AOX1: variants seen among roughly 807,000 people sequenced by gnomAD.
The protein encoded by AOX1 is aldehyde oxidase.
AOX1 carries 153 observed loss-of-function variants against 169.5 expected under a neutral mutation model. That is an observed-to-expected ratio of 0.90 (90% CI 0.79 to 1.03). The LOEUF is 1.03. AOX1 is among the 50% of genes least tolerant of loss of function. AOX1 has a pLI of 0.00. For synonymous variants in AOX1, 562 were observed against 581.9 expected (o/e 0.97, Z 0.49); for missense variants, 1,656 against 1,663.9 (o/e 1.00, Z 0.08).
intron 20 of AOX1, 92 bp downstream of exon 20, chr2:200,627,541 C>T: frequency 2.3e-6 from 2 of 887,984 alleles, no homozygotes; most frequent in Non-Finnish European, 3.6e-6. Flanking sequence ...ATCGGGCAGC[C>T]TAGGGGGGTG....
rs772133818 is a variant in AOX1, at chr2:200,609,397, T to G, written c.1136T>G (p.Leu379Arg). 4.3e-6 allele frequency: 7 copies of G among 1,613,768 alleles called. No individual in the cohort carries two copies. The change falls in exon 12 of 35, where the codon CTC (leucine) becomes CGC (arginine). Residue 379 changes from leucine (L) to arginine (R), a missense_variant. By Grantham distance (102) the Leu-to-Arg change is moderately radical. Transcript: ENST00000374700. ...ATCCTGGCTGTGGGTAACTGTACCC[T>G]CAACTTGCTATCAAAAGGTAAGTGA... ...NPILAVGNCT[L>R]NLLSKEGKRQ...
chr2:200,657,346 C>G (rs1228033186), intron 27 of AOX1, among the ~76,000 whole-genome samples: 3 of 150,586 alleles, frequency 2.0e-5, no homozygotes, highest in African/African-American at 7.3e-5. Flanking sequence ...CAGAGCAAGA[C>G]CCTGTCTCAA....
At chr2:200,677,687 TTGTC>T (rs1301703216), downstream of AOX1, among the ~76,000 whole-genome samples, 1 of 152,208 alleles carries the variant, frequency 6.6e-6, no homozygotes, top group African/African-American at 2.4e-5. Context: ...GGCCAAACAA[TTGTC>T]TGGGCCCACT....
intron 15 of AOX1, among the ~76,000 whole-genome samples, chr2:200,615,604 A>G (rs1047015299): frequency 6.6e-6 from 1 of 152,214 alleles, no homozygotes; most frequent in East Asian, 1.9e-4. Flanking sequence ...TCCTGGCTTA[A>G]GTATTTTCTT....
chr2:200,605,629 G>T lies in AOX1; in HGVS notation c.907+1G>T. On this transcript the variant is annotated splice_donor_variant, in intron 10 of 34. Transcript: ENST00000374700. LOFTEE classifies it high-confidence loss of function. Reference sequence around the variant, plus strand: ...AGTGTTGTAAACCATGCATATAATGGTGAGTTCTCAAGTCCCTGTTTTCTT... The same window carrying T: ...AGTGTTGTAAACCATGCATATAATGTTGAGTTCTCAAGTCCCTGTTTTCTT... The T allele has an allele frequency of 6.8e-7, 1 of 1,473,860 alleles. No individual in the cohort carries two copies. Among genetic ancestry groups the T allele is most frequent in the South Asian group, 1.4e-5 (1 of 70,966 alleles). The allele number at this position is 1,473,860 out of a possible 1,614,324, so 91.3% of individuals were successfully genotyped here.
chr2:200,622,055 A>G (rs1334687643), intron 18 of AOX1, among the ~76,000 whole-genome samples: 2 of 152,192 alleles, frequency 1.3e-5, no homozygotes, highest in African/African-American at 4.8e-5. Flanking sequence ...CCCGGCTTAA[A>G]TGGGATTTTT....
rs5837752 is a variant in AOX1, at chr2:200,657,190, A to ATTTT, written c.3171+265_3171+268dup. On this transcript the variant is annotated intron_variant, in intron 27 of 34. Coordinates refer to ENST00000374700, the MANE Select transcript of AOX1 (RefSeq NM_001159.4). Reference sequence around the variant, plus strand: ...AATATATATATATATATATATATATATTTTTTTTTTTTTTTAATTAGCAGG... The same window carrying ATTTT: ...AATATATATATATATATATATATATATTTTTTTTTTTTTTTTTTTAATTAGCAGG... Among the ~76,000 whole-genome samples the ATTTT allele has an allele frequency of 9.0e-3, 567 of 62,846 alleles. 25 individuals are homozygous for ATTTT. The highest frequency in any genetic ancestry group is 0.036 in the East Asian group (39 of 1,086). 41.2% of individuals were successfully genotyped at this position (62,846 alleles called of 152,430 possible).
At position 200,648,451 on chromosome 2, in the gene AOX1, G is replaced by T. The variant is rs893468090; in HGVS notation, c.2848-2523G>T. Among the ~76,000 whole-genome samples the T allele has an allele frequency of 4.3e-4, 65 of 152,192 alleles. 3 individuals are homozygous for T. Among genetic ancestry groups the T allele is most frequent in the Non-Finnish European group, 4.4e-5 (3 of 68,032 alleles). On this transcript the variant is annotated intron_variant, in intron 25 of 34. Transcript: ENST00000374700. Reference sequence around the variant, plus strand: ...GTCCTGTGATGTGAACCGTCTATGGGTCTCTCAGCTATGGATACCAGTGCC... The same window carrying T: ...GTCCTGTGATGTGAACCGTCTATGGTTCTCTCAGCTATGGATACCAGTGCC...
rs1574898387 is a variant in AOX1, at chr2:200,586,017, C to T, written c.-92C>T. 1 of 1,420,708 alleles carries T rather than the reference C, an allele frequency of 7.0e-7. No individual in the cohort carries two copies. The highest frequency in any genetic ancestry group is 9.6e-7 in the Non-Finnish European group (1 of 1,037,270). The allele number at this position is 1,420,708 out of a possible 1,614,324, so 88.0% of individuals were successfully genotyped here. A position where few individuals can be genotyped will look rare whatever the true frequency, so the allele number is the denominator to read the frequency against. ...AGGCTCCAGCAAGCCCCGCCCCACT[C>T]GGCGGGTCGGTGCCGCCGGGTCCCA... is the stretch of plus-strand genomic sequence containing the variant. On this transcript the variant is annotated 5_prime_UTR_variant, in exon 1 of 35. Transcript: ENST00000374700.
chr2:200,661,368 G>A (rs895925751), intron 29 of AOX1, among the ~76,000 whole-genome samples: 12 of 152,248 alleles, frequency 7.9e-5, no homozygotes, highest in African/African-American at 2.4e-4. Flanking sequence ...ATACCACAGC[G>A]GGCATTTAGT....
rs2035974146 is a variant in AOX1, at chr2:200,668,851, T to C, written c.3798+48T>C. On this transcript the variant is annotated intron_variant, in intron 33 of 34. Coordinates refer to ENST00000374700, the MANE Select transcript of AOX1 (RefSeq NM_001159.4). Reference sequence around the variant, plus strand: ...ATATGCATGTTTATATGATACCTGTTGGGTGACAGGAAGGCTACATTCCTC... The same window carrying C: ...ATATGCATGTTTATATGATACCTGTCGGGTGACAGGAAGGCTACATTCCTC... 2.0e-6 allele frequency: 3 copies of C among 1,529,112 alleles called. No individual in the cohort carries two copies. The South Asian group carries it at 3.6e-5, about 18-fold the overall frequency. The allele number at this position is 1,529,112 out of a possible 1,614,324, so 94.7% of individuals were successfully genotyped here.
chr2:200,666,012 A>G (rs905353199), intron 31 of AOX1, among the ~76,000 whole-genome samples: 1 of 152,264 alleles, frequency 6.6e-6, no homozygotes, highest in Non-Finnish European at 1.5e-5. Flanking sequence ...ATTAGTAATT[A>G]TAAGAACAAT....
At chr2:200,668,283 A>G (rs1472341933) in intron 32 of AOX1, among the ~76,000 whole-genome samples, 1 of 151,472 alleles carries the variant, frequency 6.6e-6, no homozygotes, top group Non-Finnish European at 1.5e-5. Flanking sequence ...TTTTTTTTGT[A>G]TTTTTAGTAG....
intron 25 of AOX1, among the ~76,000 whole-genome samples, chr2:200,648,090 A>G (rs1248954208): frequency 6.6e-6 from 1 of 152,108 alleles, no homozygotes; most frequent in Admixed American, 6.5e-5. Flanking sequence ...TTTTTCAGGT[A>G]AATCAGAGAT....
Position 200,668,808 on chromosome 2 carries a change from G to A in AOX1, c.3798+5G>A. On this transcript the variant is annotated splice_donor_5th_base_variant and intron_variant, in intron 33 of 34. Transcript: ENST00000374700. ...AATACTCTTTATTCATCTAAGGTAA[G>A]TAATGTTCTATGGGTAAATATGCAT... 1 of 1,613,130 alleles carries A rather than the reference G, an allele frequency of 6.2e-7. No individual in the cohort carries two copies. The highest frequency in any genetic ancestry group is 8.5e-7 in the Non-Finnish European group (1 of 1,179,230).
chr2:200,632,763 GAT>G (rs2035153087), intron 20 of AOX1, among the ~76,000 whole-genome samples: 1 of 151,982 alleles, frequency 6.6e-6, no homozygotes, highest in African/African-American at 2.4e-5. Flanking sequence ...ATTGTTGAAA[GAT>G]ATTTTTGCTG....
At chr2:200,598,703 C>G (rs2034340728) in intron 4 of AOX1, among the ~76,000 whole-genome samples, 1 of 151,732 alleles carries the variant, frequency 6.6e-6, no homozygotes, top group South Asian at 2.1e-4. Context: ...CAAGATCATG[C>G]CACTGCACTC....
chr2:200,675,219 A>C (rs956537173), downstream of AOX1, among the ~76,000 whole-genome samples: 6 of 152,250 alleles, frequency 3.9e-5, no homozygotes, highest in Admixed American at 1.3e-4. Context: ...TGGGTGGTTC[A>C]TACTGGCAGA....
At chr2:200,595,127 T>C in intron 2 of AOX1, 145 bp from the exon 3 acceptor site, 2 of 466,800 alleles carry the variant, frequency 4.3e-6, no homozygotes, top group Non-Finnish European at 7.7e-6. Context: ...ATAATAGTAA[T>C]TAAGACATAA....
Sources: gnomAD v4.1 joint callset for allele counts (sites outside exome capture counted in the v4.1 genomes callset) on GRCh38, gnomAD v4.1.1 for gene constraint, MANE v1.5 for transcripts, NCBI Gene and HGNC (gene_info 2026-07-23, HGNC 2026-07-21) for gene names.